KCNJ3: variants seen among roughly 807,000 people sequenced by gnomAD.
The protein encoded by KCNJ3 is G protein-activated inward rectifier potassium channel 1.
In KCNJ3, 4 loss-of-function variants were observed where a neutral mutation model predicts 39.2. That is an observed-to-expected ratio of 0.10 (90% confidence interval 0.05 to 0.23). KCNJ3 has a LOEUF of 0.23. Among genes scored for constraint, KCNJ3 ranks in the 10% least tolerant of loss-of-function variants. KCNJ3 has a pLI of 1.00. For missense variants in KCNJ3, 276 were observed against 634.9 expected, an observed-to-expected ratio of 0.43 and a Z score of 6.08; for synonymous variants, 230 against 237.4, an observed-to-expected ratio of 0.97 and a Z score of 0.29.
intron 2 of KCNJ3, among the ~76,000 whole-genome samples, chr2:154,766,552 T>G (rs887580048): frequency 1.3e-5 from 2 of 151,960 alleles, no homozygotes; most frequent in African/African-American, 2.4e-5. Context: ...TTTGTTTATT[T>G]ATTTTTATTT....
intron 2 of KCNJ3, among the ~76,000 whole-genome samples, chr2:154,837,133 C>T (rs565671983): frequency 1.7e-4 from 26 of 151,956 alleles, no homozygotes; most frequent in Non-Finnish European, 3.2e-4. Context: ...GATTGCATGA[C>T]GATAAAGCCA....
intron 2 of KCNJ3, among the ~76,000 whole-genome samples, chr2:154,713,629 A>G (rs746527249): frequency 6.6e-6 from 1 of 152,136 alleles, no homozygotes; most frequent in African/African-American, 2.4e-5. Flanking sequence ...CCTTGCTTCA[A>G]ATGAGTTGGA....
At chr2:154,751,753 A>G (rs929501628) in intron 2 of KCNJ3, among the ~76,000 whole-genome samples, 1 of 152,090 alleles carries the variant, frequency 6.6e-6, no homozygotes, top group Admixed American at 6.6e-5. Context: ...CTTGAAGCCC[A>G]AGATCAAGGA....
intron 2 of KCNJ3, among the ~76,000 whole-genome samples, chr2:154,757,049 T>A (rs1412823500): frequency 6.6e-6 from 1 of 152,070 alleles, no homozygotes; most frequent in Non-Finnish European, 1.5e-5. Flanking sequence ...AAAAAATGAA[T>A]TTAAAAAGTA....
rs1400030308 is a variant in KCNJ3, at chr2:154,737,062, C to A, written c.919+27243C>A. 2.6e-5 allele frequency among the ~76,000 whole-genome samples: 4 copies of A among 152,150 alleles called. No individual in the cohort carries two copies. In the East Asian group the frequency reaches 7.7e-4, roughly 29 times the overall value. Reference sequence around the variant, plus strand: ...AAGATCTATAGTCTTCACCTGGGGACTGATCAGCTCATGTCCATGAATGAG... The same window carrying A: ...AAGATCTATAGTCTTCACCTGGGGAATGATCAGCTCATGTCCATGAATGAG... On this transcript the variant is annotated intron_variant, in intron 2 of 2. Transcript: ENST00000295101.
rs758103449 is a variant in KCNJ3 at position 154,856,920 on chromosome 2, C to A, written c.*1607C>A. 2.6e-5 allele frequency: 4 copies of A among 152,092 alleles called. No individual in the cohort carries two copies. The highest frequency in any genetic ancestry group is 4.4e-5 in the Non-Finnish European group (3 of 68,004). 9.4% of individuals were successfully genotyped at this position (152,092 alleles called of 1,614,324 possible). ...GTCTGCCCCAACTTTAAAAAAAATT[C>A]TTATTAATATGTCAGTCATTAATTG... On this transcript the variant is annotated 3_prime_UTR_variant, in exon 3 of 3. Transcript: ENST00000295101.
At chr2:154,765,127 T>C (rs1027820486) in intron 2 of KCNJ3, among the ~76,000 whole-genome samples, 1 of 152,178 alleles carries the variant, frequency 6.6e-6, no homozygotes, top group Non-Finnish European at 1.5e-5. Flanking sequence ...CTACCCACCA[T>C]AGTGGCTGTA....
chr2:154,781,679 T>C (rs916952090), intron 2 of KCNJ3, among the ~76,000 whole-genome samples: 5 of 152,182 alleles, frequency 3.3e-5, no homozygotes, highest in African/African-American at 9.7e-5. Context: ...ATATTGTAGG[T>C]TAAAAATAGA....
chr2:154,788,456 G>A (rs1024755694), intron 2 of KCNJ3, among the ~76,000 whole-genome samples: 5 of 151,872 alleles, frequency 3.3e-5, no homozygotes, highest in African/African-American at 1.2e-4. Context: ...GAAAAATGGT[G>A]GTCTTTTTGA....
rs1256589080 is a variant in KCNJ3, at chr2:154,726,790, TATAC to T, written c.919+16977_919+16980del. Among the ~76,000 whole-genome samples the T allele has an allele frequency of 5.9e-5, 7 of 117,746 alleles. No homozygotes were observed. The South Asian group carries it at 9.3e-4, about 16-fold the overall frequency. 77.2% of individuals were successfully genotyped at this position (117,746 alleles called of 152,430 possible). On this transcript the variant is annotated intron_variant, in intron 2 of 2. Transcript: ENST00000295101. Reference sequence around the variant, plus strand: ...CACACACACACACACATACATTTTATATACATACACACACACACACACACACACA... The same window carrying T: ...CACACACACACACACATACATTTTATATACACACACACACACACACACACA...
chr2:154,797,223 T>G (rs913957889), intron 2 of KCNJ3, among the ~76,000 whole-genome samples: 4 of 152,198 alleles, frequency 2.6e-5, no homozygotes. Flanking sequence ...GTGGAGCATC[T>G]TTTGACTTGT....
chr2:154,703,161 A>G (rs991626467), intron 1 of KCNJ3, among the ~76,000 whole-genome samples: 2 of 152,114 alleles, frequency 1.3e-5, no homozygotes, highest in Non-Finnish European at 2.9e-5. Flanking sequence ...GAGAAATTAC[A>G]AATTTATTAT....
intron 2 of KCNJ3, among the ~76,000 whole-genome samples, chr2:154,837,173 A>C (rs1316344974): frequency 6.6e-6 from 1 of 152,208 alleles, no homozygotes; most frequent in African/African-American, 2.4e-5. Context: ...CTAGATATGC[A>C]TCTATCTGTG....
chr2:154,768,711 T>C (rs371707431), intron 2 of KCNJ3, among the ~76,000 whole-genome samples: 1 of 152,180 alleles, frequency 6.6e-6, no homozygotes, highest in Admixed American at 6.5e-5. Context: ...TAGTTTTTTC[T>C]AATTCTGTGA....
intron 2 of KCNJ3, among the ~76,000 whole-genome samples, chr2:154,727,979 T>C (rs561261018): frequency 6.6e-6 from 1 of 151,344 alleles, no homozygotes; most frequent in East Asian, 1.9e-4. Context: ...TGGAATTTGC[T>C]AAATAAAGTG....
chr2:154,853,456 G>T (rs1020953432), intron 2 of KCNJ3, among the ~76,000 whole-genome samples: 1 of 151,976 alleles, frequency 6.6e-6, no homozygotes, highest in African/African-American at 2.4e-5. Flanking sequence ...AAAAACAATA[G>T]AAATTACTTA....
chr2:154,811,434 G>A (rs953793888), intron 2 of KCNJ3, among the ~76,000 whole-genome samples: 4 of 152,012 alleles, frequency 2.6e-5, no homozygotes, highest in African/African-American at 4.8e-5. Context: ...CCACAGGTGC[G>A]CACCACCATG....
At chr2:154,840,274 G>A (rs1317555084) in intron 2 of KCNJ3, among the ~76,000 whole-genome samples, 1 of 152,042 alleles carries the variant, frequency 6.6e-6, no homozygotes, top group Non-Finnish European at 1.5e-5. Context: ...ATTTCTGGGG[G>A]CTCTGTTCTG....
At chr2:154,739,311 C>G (rs895032461) in intron 2 of KCNJ3, among the ~76,000 whole-genome samples, 2 of 152,066 alleles carry the variant, frequency 1.3e-5, no homozygotes, top group African/African-American at 4.8e-5. Flanking sequence ...AAAAATTTCA[C>G]TTTGTACAGA....
Sources: gnomAD v4.1 joint callset for allele counts (sites outside exome capture counted in the v4.1 genomes callset) on GRCh38, gnomAD v4.1.1 for gene constraint, MANE v1.5 for transcripts, NCBI Gene and HGNC (gene_info 2026-07-23, HGNC 2026-07-21) for gene names.